Variants in SPPL3 observed in about 807,000 individuals in gnomAD.
SPPL3 encodes signal peptide peptidase-like 3.
A neutral mutation model predicts 42.4 loss-of-function variants in SPPL3; 5 were observed. The observed-to-expected ratio is 0.12, with a 90% confidence interval of 0.06 to 0.25. The LOEUF (loss-of-function observed/expected upper bound fraction) is 0.25. SPPL3 is among the 10% of genes least tolerant of loss of function. The pLI is 1.00. For missense variants in SPPL3, 235 were observed against 489.0 expected (o/e 0.48, Z 4.90); for synonymous variants, 195 against 181.8 (o/e 1.07, Z -0.58).
intron 1 of SPPL3, among the ~76,000 whole-genome samples, chr12:120,827,741 C>T (rs1018570103): frequency 2.0e-5 from 3 of 152,162 alleles, no homozygotes; most frequent in African/African-American, 7.2e-5. Context: ...TAATGGTAAA[C>T]ACCACACATG....
At chr12:120,800,840 G>A (rs372037586) in intron 2 of SPPL3, among the ~76,000 whole-genome samples, 46 of 152,302 alleles carry the variant, frequency 3.0e-4, no homozygotes, top group African/African-American at 1.1e-3. Context: ...TTAAAATGAT[G>A]ATAATAGTTA....
At position 120,764,775 on chromosome 12, in the gene SPPL3, T is replaced by C; in HGVS notation, c.*224A>G. 2.0e-6 allele frequency: 1 copy of C among 503,324 alleles called. No homozygotes were observed. Among genetic ancestry groups the C allele is most frequent in the Non-Finnish European group, 3.5e-6 (1 of 287,326 alleles). 31.2% of individuals were successfully genotyped at this position (503,324 alleles called of 1,614,324 possible). A position where few individuals can be genotyped will look rare whatever the true frequency, so the allele number is the denominator to read the frequency against. ...GCGCTGGGGAGAGGCCTGTCCCTCT[T>C]GGAAGGGGCCCCACCTCTACATCCG... On this transcript the variant is annotated 3_prime_UTR_variant, in exon 11 of 11. Coordinates refer to ENST00000353487, the MANE Select transcript of SPPL3 (RefSeq NM_139015.5).
chr12:120,832,208 G>A (rs1057383938), intron 1 of SPPL3, among the ~76,000 whole-genome samples: 2 of 152,032 alleles, frequency 1.3e-5, no homozygotes, highest in African/African-American at 4.8e-5. Context: ...ATAAAAACAG[G>A]ACACCTTGGA....
At chr12:120,796,437 A>G (rs906566656) in intron 2 of SPPL3, among the ~76,000 whole-genome samples, 4 of 152,164 alleles carry the variant, frequency 2.6e-5, no homozygotes, top group Non-Finnish European at 5.9e-5. Context: ...GAATACAATT[A>G]TATCTGTTTT....
At chr12:120,870,109 A>G (rs1387394707) in intron 1 of SPPL3, among the ~76,000 whole-genome samples, 1 of 152,222 alleles carries the variant, frequency 6.6e-6, no homozygotes, top group Non-Finnish European at 1.5e-5. Context: ...TCAACATGGA[A>G]AAAAGAACAC....
intron 7 of SPPL3, 150 bp downstream of exon 7, chr12:120,768,803 G>T: frequency 1.5e-6 from 1 of 689,172 alleles, no homozygotes; most frequent in Non-Finnish European, 2.5e-6. Context: ...GGATCGGACT[G>T]CACACCCATG....
chr12:120,816,835 T>A (rs1332005354), intron 1 of SPPL3, among the ~76,000 whole-genome samples: 1 of 152,178 alleles, frequency 6.6e-6, no homozygotes, highest in East Asian at 1.9e-4. Context: ...GACTTCAATA[T>A]CTGCCCAAAA....
chr12:120,764,770 C>T lies in SPPL3; in HGVS notation c.*229G>A, dbSNP rs2136963533. Reference sequence around the variant, plus strand: ...AAGGCGCGCTGGGGAGAGGCCTGTCCCTCTTGGAAGGGGCCCCACCTCTAC... The same window carrying T: ...AAGGCGCGCTGGGGAGAGGCCTGTCTCTCTTGGAAGGGGCCCCACCTCTAC... On this transcript the variant is annotated 3_prime_UTR_variant, in exon 11 of 11. Coordinates refer to ENST00000353487, the MANE Select transcript of SPPL3 (RefSeq NM_139015.5). The T allele has an allele frequency of 2.1e-6, 1 of 487,008 alleles. No individual in the cohort carries two copies. Among genetic ancestry groups the T allele is most frequent in the East Asian group, 3.2e-5 (1 of 31,336 alleles). The allele number at this position is 487,008 out of a possible 1,614,324, so 30.2% of individuals were successfully genotyped here.
At chr12:120,892,344 A>G (rs1223505262) in intron 1 of SPPL3, among the ~76,000 whole-genome samples, 2 of 152,168 alleles carry the variant, frequency 1.3e-5, no homozygotes, top group African/African-American at 2.4e-5. Context: ...TGCTGCCCAC[A>G]TGACAGGAAC....
At position 120,776,154 on chromosome 12, in the gene SPPL3, C is replaced by T. The variant is rs1052420297; in HGVS notation, c.502+6501G>A. The stretch of plus-strand genomic sequence containing the variant: ...ACAAGGGCGTTTCAACCAGTGCAAA[C>T]TGGCAGGAAGAAGAGATCTGTGGAT... On this transcript the variant is annotated intron_variant, in intron 6 of 10. Transcript: ENST00000353487. Among the ~76,000 whole-genome samples, 13 of 152,178 alleles carry T rather than the reference C, an allele frequency of 8.5e-5. 1 individual carries two copies. The highest frequency in any genetic ancestry group is 6.5e-4 in the Admixed American group (10 of 15,274).
intron 1 of SPPL3, among the ~76,000 whole-genome samples, chr12:120,899,984 G>C (rs1566073858): frequency 6.6e-6 from 1 of 151,558 alleles, no homozygotes; most frequent in African/African-American, 2.4e-5. Context: ...TTGAGTACAG[G>C]ATTTTGATAG....
chr12:120,786,067 T>C (rs1869713082), intron 3 of SPPL3, among the ~76,000 whole-genome samples: 1 of 152,206 alleles, frequency 6.6e-6, no homozygotes, highest in African/African-American at 2.4e-5. Context: ...AAAAGAGTTA[T>C]TTAGGGTTTT....
intron 1 of SPPL3, among the ~76,000 whole-genome samples, chr12:120,837,429 T>G (rs1844151237): frequency 6.6e-6 from 1 of 152,234 alleles, no homozygotes; most frequent in Non-Finnish European, 1.5e-5. Flanking sequence ...AAAATAATGT[T>G]AAATCAATAG....
At chr12:120,769,154 TC>T in intron 6 of SPPL3, 95 bp from the exon 7 acceptor site, 1 of 974,800 alleles carries the variant, frequency 1.0e-6, no homozygotes, top group Non-Finnish European at 1.5e-6. Flanking sequence ...AGTTTGCAAT[TC>T]CCTCAAAAAT....
At position 120,839,572 on chromosome 12, in the gene SPPL3, T is replaced by C. The variant is rs181396636; in HGVS notation, c.24-28686A>G. Among the ~76,000 whole-genome samples, 56 of 152,298 alleles carry C rather than the reference T, an allele frequency of 3.7e-4. No homozygotes were observed. The East Asian group carries it at 5.0e-3, about 14-fold the overall frequency. ...CTGAACTCATCTTAAATTTAATTCT[T>C]TTTCTTTAAATAACCAAAGGTAGGA... On this transcript the variant is annotated intron_variant, in intron 1 of 10. Coordinates refer to ENST00000353487, the MANE Select transcript of SPPL3 (RefSeq NM_139015.5).
At chr12:120,891,219 G>A (rs1183675359) in intron 1 of SPPL3, among the ~76,000 whole-genome samples, 1 of 152,086 alleles carries the variant, frequency 6.6e-6, no homozygotes, top group Non-Finnish European at 1.5e-5. Flanking sequence ...TGCTACCCAG[G>A]AATCCAGCCT....
intron 2 of SPPL3, among the ~76,000 whole-genome samples, chr12:120,808,809 T>C (rs1036968129): frequency 1.1e-4 from 16 of 152,180 alleles, no homozygotes; most frequent in Admixed American, 3.3e-4. Context: ...AAATGGAAGG[T>C]AGTCTGCACT....
chr12:120,900,839 C>G (rs1455744681), intron 1 of SPPL3, among the ~76,000 whole-genome samples: 1 of 149,556 alleles, frequency 6.7e-6, no homozygotes, highest in Non-Finnish European at 1.5e-5. Context: ...GGAGAATTGT[C>G]TGAACCTGGG....
At chr12:120,878,526 T>C (rs574432966) in intron 1 of SPPL3, among the ~76,000 whole-genome samples, 1 of 152,340 alleles carries the variant, frequency 6.6e-6, no homozygotes, top group South Asian at 2.1e-4. Flanking sequence ...ATTCATTCAT[T>C]TGCTGACCAT....
Sources: allele counts gnomAD v4.1 joint callset (sites outside exome capture counted in the v4.1 genomes callset), GRCh38; gene constraint gnomAD v4.1.1; transcripts MANE v1.5; gene names NCBI Gene and HGNC (gene_info 2026-07-23, HGNC 2026-07-21).